KCNJ14: variants seen among roughly 807,000 people sequenced by gnomAD.
KCNJ14 encodes potassium inwardly rectifying channel subfamily J member 14.
A neutral mutation model predicts 24.5 loss-of-function variants in KCNJ14; 18 were observed. The ratio of observed to expected loss-of-function variants is 0.74; its 90% CI spans 0.51 to 1.09. The LOEUF (loss-of-function observed/expected upper bound fraction) is 1.09. Among genes scored for constraint, KCNJ14 ranks in the 50% least tolerant of loss-of-function variants. KCNJ14 has a pLI of 0.00. For synonymous variants in KCNJ14, 288 were observed against 270.8 expected (o/e 1.06, Z -0.63); for missense variants, 633 against 623.0 (o/e 1.02, Z -0.17).
chr19:48,458,174 C>A (rs930957929), intron 1 of KCNJ14, among the ~76,000 whole-genome samples: 2 of 152,032 alleles, frequency 1.3e-5, no homozygotes, highest in African/African-American at 4.8e-5. Flanking sequence ...CCAGTTTTTG[C>A]ATCTGTTTTC....
chr19:48,457,580 A>G (rs995224912), intron 1 of KCNJ14, among the ~76,000 whole-genome samples: 1 of 152,348 alleles, frequency 6.6e-6, no homozygotes, highest in East Asian at 1.9e-4. Context: ...TTTATTTTAC[A>G]ATAGCTTCAT....
intron 1 of KCNJ14, among the ~76,000 whole-genome samples, chr19:48,460,052 C>G (rs1971578047): frequency 6.6e-6 from 1 of 151,746 alleles, no homozygotes; most frequent in Admixed American, 6.6e-5. Context: ...AGTTCTGATG[C>G]AATTCAATTG....
intron 1 of KCNJ14, chr19:48,456,846 T>A (rs1419550915): frequency 6.6e-6 from 1 of 152,114 alleles, no homozygotes; most frequent in African/African-American, 2.4e-5. Flanking sequence ...CTTTATTTTT[T>A]ATTTTTAATT....
At position 48,461,742 on chromosome 19, in the gene KCNJ14, C is replaced by G; in HGVS notation, c.18C>G (p.Ala6=). 1 of 1,436,304 alleles carries G rather than the reference C, an allele frequency of 7.0e-7. No individual in the cohort carries two copies. The highest frequency in any genetic ancestry group is 3.0e-5 in the Admixed American group (1 of 33,360). 89.0% of individuals were successfully genotyped at this position (1,436,304 alleles called of 1,614,324 possible). The part of the protein sequence containing the change: MGLAR[A]LRRLSGALDS... ...TCCGTCCAATGGGCCTGGCCAGGGC[C>G]CTACGCCGCCTCAGCGGCGCCCTGG... is the stretch of plus-strand genomic sequence containing the variant. The change falls in exon 2 of 3, where the codon GCC becomes GCG. Residue 6 remains alanine (A), a synonymous_variant. Transcript: ENST00000342291.
intron 2 of KCNJ14, among the ~76,000 whole-genome samples, chr19:48,463,515 A>C (rs1601012563): frequency 6.6e-6 from 1 of 152,126 alleles, no homozygotes; most frequent in Non-Finnish European, 1.5e-5. Flanking sequence ...TGAAATACCC[A>C]CACCCCCACA....
chr19:48,462,231 G>C lies in KCNJ14; in HGVS notation c.507G>C (p.Gln169His). 5 of 1,549,742 alleles carry C rather than the reference G, an allele frequency of 3.2e-6. No individual in the cohort carries two copies. Among genetic ancestry groups the C allele is most frequent in the Non-Finnish European group, 4.4e-6 (5 of 1,146,046 alleles). ...CCGCTGTGGCCGCCGTGGTGCTGCA[G>C]TGCATTGCCGGCTGCGTGCTCGACG... is the stretch of plus-strand genomic sequence containing the variant. ...CPAAVAAVVL[Q>H]CIAGCVLDAF... The change falls in exon 2 of 3, where the codon CAG becomes CAC. Residue 169 changes from glutamine to histidine, a missense_variant. By Grantham distance (24) the Gln-to-His change is conservative. Coordinates refer to ENST00000342291, the MANE Select transcript of KCNJ14 (RefSeq NM_013348.4). The surrounding 1 kb of genome is among the most constrained non-coding windows in gnomAD (Gnocchi z 4.9).
In KCNJ14 at chr19:48,464,967, G is replaced by A; in HGVS notation, c.*190G>A. 1.7e-6 allele frequency: 1 copy of A among 590,878 alleles called. No individual in the cohort carries two copies. The highest frequency in any genetic ancestry group is 3.0e-6 in the Non-Finnish European group (1 of 331,808). The allele number at this position is 590,878 out of a possible 1,614,324, so 36.6% of individuals were successfully genotyped here. ...GGACATACTGGACCTTAATTCCTCTGCTTCTGTGCTCCCTCCTGAGAACCC... is the reference window on the plus strand; with the variant it reads ...GGACATACTGGACCTTAATTCCTCTACTTCTGTGCTCCCTCCTGAGAACCC... On this transcript the variant is annotated 3_prime_UTR_variant, in exon 3 of 3. Coordinates refer to ENST00000342291, the MANE Select transcript of KCNJ14 (RefSeq NM_013348.4).
intron 1 of KCNJ14, among the ~76,000 whole-genome samples, chr19:48,457,729 G>A (rs984050374): frequency 6.6e-6 from 1 of 151,794 alleles, no homozygotes; most frequent in Non-Finnish European, 1.5e-5. Flanking sequence ...CCAAGCTCGA[G>A]TGCACTCGTG....
chr19:48,462,383 G>A lies in KCNJ14; in HGVS notation c.659G>A (p.Gly220Asp), dbSNP rs769206780. 10 of 1,526,530 alleles carry A rather than the reference G, an allele frequency of 6.6e-6. No homozygotes were observed. In the Admixed American group the frequency reaches 1.2e-4, roughly 18 times the overall value. 94.6% of individuals were successfully genotyped at this position (1,526,530 alleles called of 1,614,324 possible). A position where few individuals can be genotyped will look rare whatever the true frequency, so the allele number is the denominator to read the frequency against. The change falls in exon 2 of 3, where the codon GGC becomes GAC. Residue 220 changes from glycine (G) to aspartate (D), a missense_variant. Gly to Asp is a moderately conservative substitution (Grantham distance 94). Coordinates refer to ENST00000342291, the MANE Select transcript of KCNJ14 (RefSeq NM_013348.4). This position sits in a 1 kb window ranked among gnomAD's most constrained non-coding sequence, Gnocchi z 4.9. ...CGCCTCTGCCTCATGTGGCGCGTCGGCAACCTGCGCCGCAGCCACCTGGTC... is the reference window on the plus strand; with the variant it reads ...CGCCTCTGCCTCATGTGGCGCGTCGACAACCTGCGCCGCAGCCACCTGGTC... ...DHRLCLMWRV[G>D]NLRRSHLVEA...
rs78311742 is a variant in KCNJ14 at position 48,466,096 on chromosome 19, T to G, written c.*1319T>G. The G allele has an allele frequency of 6.6e-6, 1 of 150,976 alleles. No individual in the cohort carries two copies. Among genetic ancestry groups the G allele is most frequent in the Non-Finnish European group, 1.5e-5 (1 of 67,846 alleles). The allele number at this position is 150,976 out of a possible 1,614,324, so 9.4% of individuals were successfully genotyped here. On this transcript the variant is annotated 3_prime_UTR_variant, in exon 3 of 3. Coordinates refer to ENST00000342291, the MANE Select transcript of KCNJ14 (RefSeq NM_013348.4). ...TTTTCTTTTTCTTTTTTTTTTTTTT[T>G]TGAGACTGAGTCTCGCTCTGCCGCC...
At position 48,464,888 on chromosome 19, in the gene KCNJ14, C is replaced by A; in HGVS notation, c.*111C>A. Reference sequence around the variant, plus strand: ...CAGGTGTTCCTGAATACCGACAGGCCTGCTGGGTAAATGACTAGGTGGTAA... The same window carrying A: ...CAGGTGTTCCTGAATACCGACAGGCATGCTGGGTAAATGACTAGGTGGTAA... On this transcript the variant is annotated 3_prime_UTR_variant, in exon 3 of 3. Coordinates refer to ENST00000342291, the MANE Select transcript of KCNJ14 (RefSeq NM_013348.4). The A allele has an allele frequency of 1.2e-6, 1 of 800,816 alleles. No individual in the cohort carries two copies. The allele number at this position is 800,816 out of a possible 1,614,324, so 49.6% of individuals were successfully genotyped here.
At chr19:48,464,135 G>C in intron 2 of KCNJ14, 46 bp from the exon 3 acceptor site, 1 of 1,341,484 alleles carries the variant, frequency 7.5e-7, no homozygotes, top group Non-Finnish European at 1.1e-6. Flanking sequence ...GTCTCTGCCC[G>C]TCTCTGTGCT....
At position 48,461,766 on chromosome 19, in the gene KCNJ14, G is replaced by T. The variant is rs754690404; in HGVS notation, c.42G>T (p.Leu14=). The change falls in exon 2 of 3, where the codon CTG becomes CTT. Residue 14 remains leucine, a synonymous_variant. Coordinates refer to ENST00000342291, the MANE Select transcript of KCNJ14 (RefSeq NM_013348.4). ...CCCTACGCCGCCTCAGCGGCGCCCTGGATTCGGGAGACAGCCGGGCGGGCG... is the reference window on the plus strand; with the variant it reads ...CCCTACGCCGCCTCAGCGGCGCCCTTGATTCGGGAGACAGCCGGGCGGGCG... ...ARALRRLSGA[L]DSGDSRAGDE... 1 of 1,450,240 alleles carries T rather than the reference G, an allele frequency of 6.9e-7. No homozygotes were observed. The highest frequency in any genetic ancestry group is 2.5e-5 in the East Asian group (1 of 39,716). The allele number at this position is 1,450,240 out of a possible 1,614,324, so 89.8% of individuals were successfully genotyped here.
Position 48,464,933 on chromosome 19 carries a change from ACCCAC to A in KCNJ14, c.*158_*162del. On this transcript the variant is annotated 3_prime_UTR_variant, in exon 3 of 3. Coordinates refer to ENST00000342291, the MANE Select transcript of KCNJ14 (RefSeq NM_013348.4). ...TGGTAAGGTTCTGCCATGCCTGGTG[ACCCAC>A]CATGGACATACTGGACCTTAATTCC... 1.6e-6 allele frequency: 1 copy of A among 639,672 alleles called. No homozygotes were observed. Among genetic ancestry groups the A allele is most frequent in the East Asian group, 2.7e-5 (1 of 37,614 alleles). 39.6% of individuals were successfully genotyped at this position (639,672 alleles called of 1,614,324 possible). A position where few individuals can be genotyped will look rare whatever the true frequency, so the allele number is the denominator to read the frequency against.
intron 1 of KCNJ14, 25 bp downstream of exon 1, chr19:48,455,883 A>G (rs1484148103): frequency 6.6e-6 from 1 of 152,412 alleles, no homozygotes; most frequent in Non-Finnish European, 1.5e-5. Flanking sequence ...CTGAGAGTCC[A>G]GTGGGGGCTG....
In KCNJ14 at chr19:48,464,612, C is replaced by A. The variant is rs142080270; in HGVS notation, c.1146C>A (p.Pro382=). 1.2e-6 allele frequency: 2 copies of A among 1,614,118 alleles called. No homozygotes were observed. The highest frequency in any genetic ancestry group is 2.2e-5 in the South Asian group (2 of 91,074). ...CCCACAGCCTCAAGTCTAGTTTCCC[C>A]GGCTCTCTGACTGCATTTTGTTATG... ...QASHSLKSSF[P]GSLTAFCYEN... The change falls in exon 3 of 3, where the codon CCC becomes CCA. Residue 382 remains proline, a synonymous_variant. Coordinates refer to ENST00000342291, the MANE Select transcript of KCNJ14 (RefSeq NM_013348.4).
chr19:48,459,647 C>G (rs1452428850), intron 1 of KCNJ14, among the ~76,000 whole-genome samples: 1 of 152,134 alleles, frequency 6.6e-6, no homozygotes, highest in Non-Finnish European at 1.5e-5. Flanking sequence ...CCTCCTGCTT[C>G]AGCCTCCCAA....
chr19:48,461,366 A>T, intron 1 of KCNJ14: 1 of 36,364 alleles, frequency 2.7e-5, no homozygotes, highest in East Asian at 2.8e-4. Flanking sequence ...GAAAAAAGTT[A>T]AAAAAAAAAT....
At chr19:48,457,631 G>A (rs1357437671) in intron 1 of KCNJ14, among the ~76,000 whole-genome samples, 1 of 152,008 alleles carries the variant, frequency 6.6e-6, no homozygotes, top group Non-Finnish European at 1.5e-5. Flanking sequence ...CTCACTACAG[G>A]GTACAATTCA....
Sources: gnomAD v4.1 joint callset for allele counts (sites outside exome capture counted in the v4.1 genomes callset) on GRCh38, gnomAD v4.1.1 for gene constraint, Gnocchi (gnomAD v3.1) non-coding constraint, MANE v1.5 for transcripts, NCBI Gene and HGNC (gene_info 2026-07-23, HGNC 2026-07-21) for gene names.